Variants in FUCA2 observed in about 807,000 individuals in gnomAD.
FUCA2 encodes the protein alpha-L-fucosidase 2.
A neutral mutation model predicts 52.6 loss-of-function variants in FUCA2; 41 were observed. The observed-to-expected ratio is 0.78, with a 90% CI of 0.61 to 1.01. The LOEUF (loss-of-function observed/expected upper bound fraction) is 1.01, where lower values mean the gene tolerates loss of function less well. FUCA2 is among the 50% of genes least tolerant of loss of function. FUCA2 has a pLI of 0.00. For missense variants in FUCA2, 507 were observed against 569.5 expected, an observed-to-expected ratio of 0.89 and a Z score of 1.12; for synonymous variants, 211 against 217.3, an observed-to-expected ratio of 0.97 and a Z score of 0.26.
Position 143,504,621 on chromosome 6 carries a change from C to T in FUCA2, c.413-369G>A, listed in dbSNP as rs10452657. 0.034 allele frequency: 6,113 copies of T among 180,568 alleles called. 400 individuals carry two copies. The highest frequency in any genetic ancestry group is 0.13 in the African/African-American group (5,685 of 42,192). 11.2% of individuals were successfully genotyped at this position (180,568 alleles called of 1,614,324 possible). ...AGGTATAAACAATCAACAATAGCAG[C>T]TCACAACTAAGATGGGAACATATAC... On this transcript the variant is annotated intron_variant, in intron 2 of 6. Coordinates refer to ENST00000002165, the MANE Select transcript of FUCA2 (RefSeq NM_032020.5). The surrounding 1 kb of genome is among the most constrained non-coding windows in gnomAD (Gnocchi z 4.4).
chr6:143,498,902 GT>G (rs2128421593), intron 5 of FUCA2, among the ~76,000 whole-genome samples: 1 of 152,302 alleles, frequency 6.6e-6, no homozygotes, highest in African/African-American at 2.4e-5. Flanking sequence ...AGGATAAGAA[GT>G]GGACAGATTC....
In FUCA2 at chr6:143,495,518, A is replaced by G; in HGVS notation, c.*189T>C. 1 of 517,426 alleles carries G rather than the reference A, an allele frequency of 1.9e-6. No homozygotes were observed. The highest frequency in any genetic ancestry group is 2.9e-5 in the East Asian group (1 of 34,470). The allele number at this position is 517,426 out of a possible 1,614,324, so 32.1% of individuals were successfully genotyped here. ...TGAAGAGACTTTAATGGCAAAGTGC[A>G]CTGGAGAGTTAAAATGGTTACATGG... is the stretch of plus-strand genomic sequence containing the variant. On this transcript the variant is annotated 3_prime_UTR_variant, in exon 7 of 7. Coordinates refer to ENST00000002165, the MANE Select transcript of FUCA2 (RefSeq NM_032020.5). The surrounding 1 kb of genome is among the most constrained non-coding windows in gnomAD (Gnocchi z 5.2).
In FUCA2 at chr6:143,500,921, A is replaced by T. The variant is rs1165026491; in HGVS notation, c.1154+1011T>A. Among the ~76,000 whole-genome samples the T allele has an allele frequency of 6.6e-6, 1 of 152,198 alleles. No individual in the cohort carries two copies. Among genetic ancestry groups the T allele is most frequent in the Admixed American group, 6.5e-5 (1 of 15,278 alleles). ...GTGAGGAGGGAGAGCAGGACCACTC[A>T]GTGGCAGGGAAGTTGGTAGGAGCCA... On this transcript the variant is annotated intron_variant, in intron 5 of 6. Transcript: ENST00000002165. This position sits in a 1 kb window ranked among gnomAD's most constrained non-coding sequence, Gnocchi z 6.9.
At chr6:143,508,110 A>G (rs1310571637) in intron 1 of FUCA2, among the ~76,000 whole-genome samples, 2 of 152,392 alleles carry the variant, frequency 1.3e-5, no homozygotes, top group Admixed American at 6.5e-5. Context: ...TATATTCAGT[A>G]GTAGAGAACA....
Position 143,497,554 on chromosome 6 carries a change from C to G in FUCA2, c.1155-57G>C. ...AGCAAGTTACATCCCATGTTTCTCACTATTTATGGATCAGGAACAATCTGG... is the reference window on the plus strand; with the variant it reads ...AGCAAGTTACATCCCATGTTTCTCAGTATTTATGGATCAGGAACAATCTGG... On this transcript the variant is annotated intron_variant, in intron 5 of 6. Transcript: ENST00000002165. The surrounding 1 kb of genome is among the most constrained non-coding windows in gnomAD (Gnocchi z 5.3). 1.1e-6 allele frequency: 1 copy of G among 890,484 alleles called. No individual in the cohort carries two copies. Among genetic ancestry groups the G allele is most frequent in the Middle Eastern group, 2.2e-4 (1 of 4,584 alleles). The allele number at this position is 890,484 out of a possible 1,614,324, so 55.2% of individuals were successfully genotyped here.
rs182596147 is a variant in FUCA2 at position 143,502,630 on chromosome 6, A to T, written c.753-65T>A. ...AGCTTTTTATACAAAAAGAAATGTCACTGAAAAGACATGTAATTGAAATAC... is the reference window on the plus strand; with the variant it reads ...AGCTTTTTATACAAAAAGAAATGTCTCTGAAAAGACATGTAATTGAAATAC... On this transcript the variant is annotated intron_variant, in intron 3 of 6. Transcript: ENST00000002165. This position sits in a 1 kb window ranked among gnomAD's most constrained non-coding sequence, Gnocchi z 4.1. 3.1e-6 allele frequency: 4 copies of T among 1,297,902 alleles called. No individual in the cohort carries two copies. The African/African-American group carries it at 5.9e-5, about 19-fold the overall frequency. The allele number at this position is 1,297,902 out of a possible 1,614,324, so 80.4% of individuals were successfully genotyped here. A position where few individuals can be genotyped will look rare whatever the true frequency, so the allele number is the denominator to read the frequency against.
In FUCA2 at chr6:143,502,349, C is replaced by T. The variant is rs780225640; in HGVS notation, c.963+6G>A. ...ATGTTAATAGCCACCAGACATTTCACTGTACCTTCACCAATTCTTCAATTG... is the reference window on the plus strand; with the variant it reads ...ATGTTAATAGCCACCAGACATTTCATTGTACCTTCACCAATTCTTCAATTG... On this transcript the variant is annotated splice_donor_region_variant and intron_variant, in intron 4 of 6. Transcript: ENST00000002165. This position sits in a 1 kb window ranked among gnomAD's most constrained non-coding sequence, Gnocchi z 4.1. The T allele has an allele frequency of 4.3e-6, 7 of 1,612,646 alleles. No individual in the cohort carries two copies. Among genetic ancestry groups the T allele is most frequent in the Non-Finnish European group, 5.9e-6 (7 of 1,178,986 alleles).
In FUCA2 at chr6:143,495,889, T is replaced by G; in HGVS notation, c.1264-42A>C. The G allele has an allele frequency of 6.3e-7, 1 of 1,599,366 alleles. No individual in the cohort carries two copies. Among genetic ancestry groups the G allele is most frequent in the South Asian group, 1.1e-5 (1 of 90,072 alleles). On this transcript the variant is annotated intron_variant, in intron 6 of 6. Coordinates refer to ENST00000002165, the MANE Select transcript of FUCA2 (RefSeq NM_032020.5). The surrounding 1 kb of genome is among the most constrained non-coding windows in gnomAD (Gnocchi z 5.2). ...ACATGCAAATGTCTCCAAATTTATC[T>G]CTTTATCTCACCCACTTTCTATTGG...
Position 143,501,756 on chromosome 6 carries a change from CA to C in FUCA2, c.1154+175del, listed in dbSNP as rs1780529225. On this transcript the variant is annotated intron_variant, in intron 5 of 6. Coordinates refer to ENST00000002165, the MANE Select transcript of FUCA2 (RefSeq NM_032020.5). This position sits in a 1 kb window ranked among gnomAD's most constrained non-coding sequence, Gnocchi z 6.1. ...TCAATCTGATAAACAATAAATGTTT[CA>C]AAACATGCAAATTCTTCCCCTTCTC... Among the ~76,000 whole-genome samples the C allele has an allele frequency of 6.6e-6, 1 of 152,174 alleles. No individual in the cohort carries two copies. The highest frequency in any genetic ancestry group is 2.4e-5 in the African/African-American group (1 of 41,456).
rs1780656433 is a variant in FUCA2, at chr6:143,509,551, A to G, written c.224+1860T>C. Among the ~76,000 whole-genome samples, 1 of 152,222 alleles carries G rather than the reference A, an allele frequency of 6.6e-6. No homozygotes were observed. On this transcript the variant is annotated intron_variant, in intron 1 of 6. Coordinates refer to ENST00000002165, the MANE Select transcript of FUCA2 (RefSeq NM_032020.5). This position sits in a 1 kb window ranked among gnomAD's most constrained non-coding sequence, Gnocchi z 5.4. ...AAATGTCAAATCCTCTTTGGCACCAATATATCTTTACCTAATCTTCATGGT... is the reference window on the plus strand; with the variant it reads ...AAATGTCAAATCCTCTTTGGCACCAGTATATCTTTACCTAATCTTCATGGT...
chr6:143,508,222 T>C (rs1780636045), intron 1 of FUCA2, among the ~76,000 whole-genome samples: 1 of 152,262 alleles, frequency 6.6e-6, no homozygotes, highest in South Asian at 2.1e-4. Context: ...GCTATACGCA[T>C]TCATTCTAAG....
At chr6:143,505,913 G>A (rs1007761393) in intron 2 of FUCA2, 47 of 152,150 alleles carry the variant, frequency 3.1e-4, no homozygotes, top group African/African-American at 1.1e-3. Context: ...TCTCCTCACA[G>A]TTTGATTAAC....
intron 6 of FUCA2, among the ~76,000 whole-genome samples, chr6:143,496,069 T>G (rs553322668): frequency 6.6e-6 from 1 of 152,256 alleles, no homozygotes; most frequent in South Asian, 2.1e-4. Flanking sequence ...AATAGAAGTG[T>G]GCAGGGGTTG....
Position 143,503,891 on chromosome 6 carries a change from A to T in FUCA2, c.752+22T>A. The T allele has an allele frequency of 6.5e-7, 1 of 1,547,566 alleles. No individual in the cohort carries two copies. The highest frequency in any genetic ancestry group is 8.8e-7 in the Non-Finnish European group (1 of 1,132,290). ...TATTAGGAATATGGAGGGTAACTGC[A>T]GCAATCTCATAGCATACACACCTTT... On this transcript the variant is annotated intron_variant, in intron 3 of 6. Coordinates refer to ENST00000002165, the MANE Select transcript of FUCA2 (RefSeq NM_032020.5). This position sits in a 1 kb window ranked among gnomAD's most constrained non-coding sequence, Gnocchi z 4.8.
rs1562667188 is a variant in FUCA2 at position 143,509,271 on chromosome 6, C to CG, written c.225-1848dup. ...ATACTCATCTATACTGTTGATTCCC[C>CG]GAAAGTCAAATTGAGAGTGAGGAGC... On this transcript the variant is annotated intron_variant, in intron 1 of 6. Coordinates refer to ENST00000002165, the MANE Select transcript of FUCA2 (RefSeq NM_032020.5). The surrounding 1 kb of genome is among the most constrained non-coding windows in gnomAD (Gnocchi z 5.4). Among the ~76,000 whole-genome samples, 1 of 152,010 alleles carries CG rather than the reference C, an allele frequency of 6.6e-6. No homozygotes were observed. The highest frequency in any genetic ancestry group is 1.5e-5 in the Non-Finnish European group (1 of 68,006).
Position 143,503,893 on chromosome 6 carries a change from C to T in FUCA2, c.752+20G>A. On this transcript the variant is annotated intron_variant, in intron 3 of 6. Transcript: ENST00000002165. The surrounding 1 kb of genome is among the most constrained non-coding windows in gnomAD (Gnocchi z 4.8). ...TTAGGAATATGGAGGGTAACTGCAGCAATCTCATAGCATACACACCTTTCA... is the reference window on the plus strand; with the variant it reads ...TTAGGAATATGGAGGGTAACTGCAGTAATCTCATAGCATACACACCTTTCA... The T allele has an allele frequency of 6.4e-7, 1 of 1,553,100 alleles. No homozygotes were observed. The highest frequency in any genetic ancestry group is 1.2e-5 in the South Asian group (1 of 85,596).
chr6:143,507,369 A>G lies in FUCA2; in HGVS notation c.280T>C (p.Tyr94His). 6.2e-7 allele frequency: 1 copy of G among 1,605,604 alleles called. No individual in the cohort carries two copies. Reference protein sequence around the residue: ...PKYVEFMKDNYPPSFKYEDFG... With the variant: ...PKYVEFMKDNHPPSFKYEDFG... Reference sequence around the variant, plus strand: ...TCTTCATATTTGAAACTAGGAGGGTAATTATCTTTCATAAATTCCACATAC... The same window carrying G: ...TCTTCATATTTGAAACTAGGAGGGTGATTATCTTTCATAAATTCCACATAC... Residue 94 changes from tyrosine (Y) to histidine (H), a missense_variant, in exon 2 of 7, where the codon TAC (tyrosine) becomes CAC (histidine). By Grantham distance (83) the Tyr-to-His change is moderately conservative. Coordinates refer to ENST00000002165, the MANE Select transcript of FUCA2 (RefSeq NM_032020.5). This position sits in a 1 kb window ranked among gnomAD's most constrained non-coding sequence, Gnocchi z 4.5.
In FUCA2 at chr6:143,497,197, A is replaced by G. The variant is rs181588510; in HGVS notation, c.1263+192T>C. The stretch of plus-strand genomic sequence containing the variant: ...GGCTAGTCTCAAACTTCTGGCCTCA[A>G]GACATCCTCCTGCCTTAGCCTCCCA... On this transcript the variant is annotated intron_variant, in intron 6 of 6. Coordinates refer to ENST00000002165, the MANE Select transcript of FUCA2 (RefSeq NM_032020.5). This position sits in a 1 kb window ranked among gnomAD's most constrained non-coding sequence, Gnocchi z 5.3. 15 of 533,872 alleles carry G rather than the reference A, an allele frequency of 2.8e-5. No individual in the cohort carries two copies. In the East Asian group the frequency reaches 3.5e-4, roughly 13 times the overall value. The allele number at this position is 533,872 out of a possible 1,614,324, so 33.1% of individuals were successfully genotyped here. A position where few individuals can be genotyped will look rare whatever the true frequency, so the allele number is the denominator to read the frequency against.
In FUCA2 at chr6:143,510,563, C is replaced by T. The variant is rs1050185897; in HGVS notation, c.224+848G>A. On this transcript the variant is annotated intron_variant, in intron 1 of 6. Transcript: ENST00000002165. The surrounding 1 kb of genome is among the most constrained non-coding windows in gnomAD (Gnocchi z 4.4). ...CTAAGGCGCGAGAATCGTTTGAACC[C>T]GGGCGGCGAAGGTTGCAGTGAGCCG... is the stretch of plus-strand genomic sequence containing the variant. Among the ~76,000 whole-genome samples the T allele has an allele frequency of 6.6e-6, 1 of 150,682 alleles. No homozygotes were observed. The highest frequency in any genetic ancestry group is 2.1e-4 in the South Asian group (1 of 4,780).
Sources: allele counts gnomAD v4.1 joint callset (sites outside exome capture counted in the v4.1 genomes callset), GRCh38; gene constraint gnomAD v4.1.1; non-coding constraint Gnocchi (gnomAD v3.1); transcripts MANE v1.5; gene names NCBI Gene and HGNC (gene_info 2026-07-23, HGNC 2026-07-21).